The following WWOX variants were observed in gnomAD, a reference collection of about 807,000 sequenced individuals.
WWOX encodes the protein WW domain-containing oxidoreductase.
WWOX carries 69 observed loss-of-function variants against 46.2 expected under a neutral mutation model. The observed-to-expected ratio is 1.49, with a 90% CI of 1.23 to 1.82. WWOX has a LOEUF of 1.82. Among genes scored for constraint, WWOX ranks in the 40% most tolerant of loss-of-function variants. WWOX has a pLI of 0.00. For missense variants in WWOX, 919 were observed against 542.6 expected, an observed-to-expected ratio of 1.69 and a Z score of -6.89; for synonymous variants, 359 against 202.6, an observed-to-expected ratio of 1.77 and a Z score of -6.56.
At chr16:78,300,831 G>T (rs945090854) in intron 5 of WWOX, among the ~76,000 whole-genome samples, 1 of 152,044 alleles carries the variant, frequency 6.6e-6, no homozygotes, top group Non-Finnish European at 1.5e-5. Context: ...CATATAACTT[G>T]TAGGTTGTCA....
intron 8 of WWOX, among the ~76,000 whole-genome samples, chr16:78,838,342 GAGGCTTT>G (rs1312815893): frequency 6.6e-6 from 1 of 152,174 alleles, no homozygotes; most frequent in Non-Finnish European, 1.5e-5. Context: ...GACTTCAGAG[GAGGCTTT>G]AGGCGCTCCT....
intron 8 of WWOX, among the ~76,000 whole-genome samples, chr16:79,035,923 T>G (rs1597309341): frequency 6.6e-6 from 1 of 152,322 alleles, no homozygotes; most frequent in Non-Finnish European, 1.5e-5. Context: ...AGGAGCTGCC[T>G]CAGACTGTCT....
At chr16:78,845,776 A>G (rs1449300886) in intron 8 of WWOX, among the ~76,000 whole-genome samples, 1 of 152,220 alleles carries the variant, frequency 6.6e-6, no homozygotes, top group Non-Finnish European at 1.5e-5. Context: ...TACTAATTTA[A>G]TGGAATCAAG....
chr16:79,142,120 T>G (rs553896155), intron 8 of WWOX, among the ~76,000 whole-genome samples: 2 of 152,324 alleles, frequency 1.3e-5, no homozygotes, highest in East Asian at 1.9e-4. Context: ...ATTTATTTAT[T>G]CTTTTCACAG....
intron 8 of WWOX, among the ~76,000 whole-genome samples, chr16:79,050,762 G>A (rs2048151512): frequency 1.3e-5 from 2 of 152,214 alleles, no homozygotes; most frequent in South Asian, 4.1e-4. Flanking sequence ...GAAGTGAGGA[G>A]AATAGGGTGG....
chr16:78,844,329 T>A (rs1316734873), intron 8 of WWOX, among the ~76,000 whole-genome samples: 1 of 152,194 alleles, frequency 6.6e-6, no homozygotes, highest in Admixed American at 6.5e-5. Context: ...TTTTGAAACA[T>A]GGAGAAATAA....
intron 8 of WWOX, among the ~76,000 whole-genome samples, chr16:78,542,531 A>C (rs1305949718): frequency 6.6e-6 from 1 of 152,160 alleles, no homozygotes; most frequent in Non-Finnish European, 1.5e-5. Flanking sequence ...CAGGGAATGA[A>C]AACTATGCAA....
At position 78,653,033 on chromosome 16, in the gene WWOX, TATTA is replaced by T. The variant is rs531037076; in HGVS notation, c.1056+220285_1056+220288del. On this transcript the variant is annotated intron_variant, in intron 8 of 8. Coordinates refer to ENST00000566780, the MANE Select transcript of WWOX (RefSeq NM_016373.4). ...TGGACAGAGGAAAATGAAAATGTTC[TATTA>T]ATTCCACTAGCATGAGATAATCACT... is the stretch of plus-strand genomic sequence containing the variant. Among the ~76,000 whole-genome samples, 19 of 152,354 alleles carry T rather than the reference TATTA, an allele frequency of 1.2e-4. No individual in the cohort carries two copies. The South Asian group carries it at 1.7e-3, about 13-fold the overall frequency.
chr16:78,311,278 C>G (rs1007788792), intron 5 of WWOX, among the ~76,000 whole-genome samples: 12 of 152,090 alleles, frequency 7.9e-5, no homozygotes, highest in Non-Finnish European at 1.2e-4. Context: ...TTTTGGTAAT[C>G]CAAGGCCTGA....
intron 8 of WWOX, chr16:78,550,716 G>C (rs1160514369): frequency 6.6e-6 from 1 of 152,120 alleles, no homozygotes; most frequent in Non-Finnish European, 1.5e-5. Context: ...GCAGCAGAGT[G>C]GGGTGGTTGG....
chr16:78,334,182 C>G (rs1034630282), intron 5 of WWOX, among the ~76,000 whole-genome samples: 1 of 152,098 alleles, frequency 6.6e-6, no homozygotes, highest in Non-Finnish European at 1.5e-5. Flanking sequence ...TAATGTAATG[C>G]CAAAGAAAAA....
chr16:78,714,106 T>A (rs1034624291), intron 8 of WWOX, among the ~76,000 whole-genome samples: 14 of 152,148 alleles, frequency 9.2e-5, no homozygotes, highest in Admixed American at 4.6e-4. Flanking sequence ...AAGCCCCTTC[T>A]AGAATAAGTC....
At chr16:78,143,714 T>G (rs1465993981) in intron 4 of WWOX, among the ~76,000 whole-genome samples, 2 of 151,492 alleles carry the variant, frequency 1.3e-5, no homozygotes, top group Non-Finnish European at 2.9e-5. Context: ...TCAGAATTAT[T>G]AAGAAAACAA....
intron 6 of WWOX, among the ~76,000 whole-genome samples, chr16:78,409,544 C>T (rs1001069585): frequency 1.3e-5 from 2 of 152,154 alleles, no homozygotes; most frequent in African/African-American, 4.8e-5. Flanking sequence ...AAATTACCCC[C>T]AAGACCTAGC....
At chr16:78,488,836 G>T (rs1223371382) in intron 8 of WWOX, among the ~76,000 whole-genome samples, 1 of 152,188 alleles carries the variant, frequency 6.6e-6, no homozygotes, top group Non-Finnish European at 1.5e-5. Context: ...GGACGATTGA[G>T]TCAAATAACA....
rs571114250 is a variant in WWOX, at chr16:78,945,274, T to G, written c.1057-266334T>G. On this transcript the variant is annotated intron_variant, in intron 8 of 8. Transcript: ENST00000566780. ...AGTGGCACCAGTTCTTCTTTCAGTT[T>G]CCATGGAATATCAAGCACGATTTGA... Among the ~76,000 whole-genome samples, 6 of 152,318 alleles carry G rather than the reference T, an allele frequency of 3.9e-5. No individual in the cohort carries two copies. In the East Asian group the frequency reaches 1.2e-3, roughly 29 times the overall value.
chr16:79,133,664 G>A (rs530386994), intron 8 of WWOX, among the ~76,000 whole-genome samples: 6 of 152,224 alleles, frequency 3.9e-5, no homozygotes, highest in South Asian at 2.1e-4. Context: ...GTCCTTGCCG[G>A]TGGCCTGCAC....
chr16:78,190,724 T>A (rs2035858206), intron 5 of WWOX, among the ~76,000 whole-genome samples: 1 of 152,154 alleles, frequency 6.6e-6, no homozygotes, highest in Non-Finnish European at 1.5e-5. Flanking sequence ...GAAACCCAGC[T>A]CATTTTCTAT....
At chr16:79,102,318 C>A (rs1370103839) in intron 8 of WWOX, among the ~76,000 whole-genome samples, 1 of 152,144 alleles carries the variant, frequency 6.6e-6, no homozygotes, top group Non-Finnish European at 1.5e-5. Context: ...TAGGACTCAG[C>A]TACCTCATCT....
Sources: allele counts gnomAD v4.1 joint callset (sites outside exome capture counted in the v4.1 genomes callset), GRCh38; gene constraint gnomAD v4.1.1; transcripts MANE v1.5; gene names NCBI Gene and HGNC (gene_info 2026-07-23, HGNC 2026-07-21).